Variants in ADCY5 observed in about 807,000 individuals in gnomAD.
ADCY5 encodes the protein adenylate cyclase type 5.
A neutral mutation model predicts 119.7 loss-of-function variants in ADCY5; 30 were observed. That is an observed-to-expected ratio of 0.25 (90% CI 0.19 to 0.34). The LOEUF (loss-of-function observed/expected upper bound fraction) is 0.34. Among genes scored for constraint, ADCY5 ranks in the 10% least tolerant of loss-of-function variants. The pLI, the probability that ADCY5 is intolerant of heterozygous loss-of-function variation, is 1.00. For synonymous variants in ADCY5, 753 were observed against 762.2 expected, an observed-to-expected ratio of 0.99 and a Z score of 0.20; for missense variants, 1,324 against 1,775.2, an observed-to-expected ratio of 0.75 and a Z score of 4.57.
At chr3:123,299,986 A>G in intron 15 of ADCY5, 134 bp downstream of exon 15, 2 of 977,106 alleles carry the variant, frequency 2.0e-6, no homozygotes, top group Middle Eastern at 3.1e-4. Context: ...CGTTTTCCAG[A>G]TGTCAGGGCT....
chr3:123,367,998 G>A, intron 1 of ADCY5: 1 of 1,508,330 alleles, frequency 6.6e-7, no homozygotes, highest in Non-Finnish European at 8.8e-7. Flanking sequence ...TGTGGGGATG[G>A]AGGGGACCAT....
chr3:123,436,208 T>A (rs6793532), intron 1 of ADCY5, among the ~76,000 whole-genome samples: 150,059 of 151,622 alleles, frequency 0.99, 74,278 homozygotes, highest in Middle Eastern at 1. Context: ...ATTTTTATTT[T>A]AAAAAATTAC....
chr3:123,406,145 C>T (rs967428457), intron 1 of ADCY5, among the ~76,000 whole-genome samples: 3 of 152,240 alleles, frequency 2.0e-5, no homozygotes, highest in Admixed American at 2.0e-4. Flanking sequence ...TACTTTCCTA[C>T]CCTAATCACC....
intron 1 of ADCY5, among the ~76,000 whole-genome samples, chr3:123,406,450 T>C (rs1944903686): frequency 6.6e-6 from 1 of 152,258 alleles, no homozygotes. Flanking sequence ...GGCCACACCA[T>C]ACCTGAACAA....
intron 1 of ADCY5, among the ~76,000 whole-genome samples, chr3:123,375,874 T>A (rs1284225508): frequency 6.6e-6 from 1 of 152,092 alleles, no homozygotes; most frequent in Non-Finnish European, 1.5e-5. Context: ...GTCCTACTAT[T>A]CTAGTGATTC....
At chr3:123,287,049 C>G in intron 19 of ADCY5, 1 of 464,286 alleles carries the variant, frequency 2.2e-6, no homozygotes, top group South Asian at 4.0e-5. Context: ...GGAGTGCCCT[C>G]TTCAAGGTCT....
At chr3:123,396,824 G>GAGAGAC (rs1944607270) in intron 1 of ADCY5, among the ~76,000 whole-genome samples, 6 of 148,240 alleles carry the variant, frequency 4.0e-5, no homozygotes, top group African/African-American at 1.5e-4. Flanking sequence ...GCAGGCGAGA[G>GAGAGAC]AGAGAGAGAG....
At chr3:123,351,630 C>T (rs959159976) in intron 2 of ADCY5, among the ~76,000 whole-genome samples, 1 of 152,160 alleles carries the variant, frequency 6.6e-6, no homozygotes, top group Non-Finnish European at 1.5e-5. Context: ...GGCCACACAG[C>T]CCCCCAGGCC....
chr3:123,392,457 G>C (rs931920086), intron 1 of ADCY5, among the ~76,000 whole-genome samples: 3 of 151,632 alleles, frequency 2.0e-5, no homozygotes, highest in African/African-American at 7.3e-5. Context: ...AGGCAGCACA[G>C]GTTAGGCAGT....
At chr3:123,303,864 A>G (rs545093020) in intron 13 of ADCY5, among the ~76,000 whole-genome samples, 1 of 138,016 alleles carries the variant, frequency 7.2e-6, no homozygotes, top group East Asian at 2.2e-4. Context: ...AAGAGAAGAG[A>G]AGAGAAGAGA....
intron 8 of ADCY5, among the ~76,000 whole-genome samples, chr3:123,322,484 C>T (rs910318663): frequency 1.3e-5 from 2 of 152,076 alleles, no homozygotes; most frequent in South Asian, 2.1e-4. Flanking sequence ...GTCGGCATGG[C>T]GAGTTGGTAA....
intron 15 of ADCY5, among the ~76,000 whole-genome samples, chr3:123,299,733 C>A (rs12631101): frequency 9.9e-5 from 15 of 152,192 alleles, no homozygotes; most frequent in Admixed American, 9.2e-4. Context: ...AGGCACCTGC[C>A]TCGAGGTGGG....
chr3:123,312,687 T>G (rs1358364725), intron 12 of ADCY5, among the ~76,000 whole-genome samples: 1 of 152,236 alleles, frequency 6.6e-6, no homozygotes, highest in Non-Finnish European at 1.5e-5. Context: ...TCACTCAGCG[T>G]CATGTTTTCA....
At chr3:123,319,382 A>G (rs1321188863) in intron 10 of ADCY5, among the ~76,000 whole-genome samples, 4 of 152,018 alleles carry the variant, frequency 2.6e-5, no homozygotes, top group African/African-American at 9.7e-5. Context: ...AAAAGAAAAA[A>G]AAAAAGAAAC....
At chr3:123,323,247 G>A (rs1251872478) in intron 8 of ADCY5, among the ~76,000 whole-genome samples, 2 of 151,928 alleles carry the variant, frequency 1.3e-5, no homozygotes, top group East Asian at 3.9e-4. Flanking sequence ...AGACTTCCTG[G>A]CAGCCTCCTT....
chr3:123,407,231 C>T (rs1249975454), intron 1 of ADCY5, among the ~76,000 whole-genome samples: 1 of 152,096 alleles, frequency 6.6e-6, no homozygotes, highest in Non-Finnish European at 1.5e-5. Context: ...AGCCTCCCCA[C>T]AGGCCATGCC....
chr3:123,332,292 G>GA (rs1941800054), intron 4 of ADCY5, among the ~76,000 whole-genome samples: 1 of 151,566 alleles, frequency 6.6e-6, no homozygotes, highest in Non-Finnish European at 1.5e-5. Flanking sequence ...CGCTTCCAAG[G>GA]ATGGGGGGCA....
chr3:123,291,069 G>C (rs1438541930), intron 18 of ADCY5, 44 bp downstream of exon 18: 1 of 1,574,408 alleles, frequency 6.4e-7, no homozygotes, highest in East Asian at 2.3e-5. Context: ...GGGACTTGTA[G>C]GCCCCTCCCA....
At chr3:123,372,739 T>A (rs1192969096) in intron 1 of ADCY5, among the ~76,000 whole-genome samples, 3 of 152,132 alleles carry the variant, frequency 2.0e-5, no homozygotes, top group Non-Finnish European at 4.4e-5. Context: ...CAGCTGTCAG[T>A]CAAAGTCTGC....
Sources: allele counts gnomAD v4.1 joint callset (sites outside exome capture counted in the v4.1 genomes callset), GRCh38; gene constraint gnomAD v4.1.1; transcripts MANE v1.5; gene names NCBI Gene and HGNC (gene_info 2026-07-23, HGNC 2026-07-21).